CAST: variants seen among roughly 807,000 people sequenced by gnomAD.
CAST encodes calpastatin, also known as MIR583 host.
Under a neutral mutation model 119.6 loss-of-function variants are expected in CAST, and 76 were observed. The observed-to-expected ratio is 0.64, with a 90% CI of 0.53 to 0.77. CAST has a LOEUF of 0.77. Ranked by LOEUF, CAST falls within the 30% of genes least tolerant of loss-of-function variation. CAST has a pLI of 0.00. For synonymous variants in CAST, 319 were observed against 331.6 expected (o/e 0.96, Z 0.41); for missense variants, 953 against 946.5 (o/e 1.01, Z -0.09).
chr5:96,647,284 T>C (rs535759346), intron 1 of CAST, among the ~76,000 whole-genome samples: 1 of 152,366 alleles, frequency 6.6e-6, no homozygotes, highest in East Asian at 1.9e-4. Flanking sequence ...GCATTGGTTG[T>C]ACAAGATCAT....
chr5:95,980,264 C>T, the CAST span: 1 of 152,026 alleles, frequency 6.6e-6, no homozygotes, highest in East Asian at 1.9e-4. Flanking sequence ...GAGATCTGTG[C>T]TTATAGTTCT....
At chr5:96,505,433 C>G in the CAST span, among the ~76,000 whole-genome samples, 1 of 151,834 alleles carries the variant, frequency 6.6e-6, no homozygotes, top group Non-Finnish European at 1.5e-5. Context: ...TGAGCCGAGA[C>G]CCGCCACTGC....
chr5:96,678,786 G>T (rs1361055053), intron 2 of CAST, among the ~76,000 whole-genome samples: 2 of 152,066 alleles, frequency 1.3e-5, no homozygotes, highest in African/African-American at 2.4e-5. Flanking sequence ...GGCAGAGGTT[G>T]CAGTGAGCCG....
chr5:96,106,420 G>A, the CAST span, among the ~76,000 whole-genome samples: 4 of 152,276 alleles, frequency 2.6e-5, no homozygotes, highest in Non-Finnish European at 5.9e-5. Flanking sequence ...CTGGTATGTT[G>A]TGTTTTTGTT....
the CAST span, among the ~76,000 whole-genome samples, chr5:96,264,545 A>G: frequency 0.025 from 3,758 of 152,302 alleles, 168 homozygotes; most frequent in African/African-American, 0.086. Context: ...GTGTGTCTCC[A>G]TGGCTTTGTG....
In CAST at chr5:96,748,522, G is replaced by A. The variant is rs748324706; in HGVS notation, c.1337G>A (p.Arg446Gln). ...ACAGCACTTCTTATATTACAGCCTC[G>A]GAGTGAATCAGAACTCATTGATGAA... ...LPEPEEKPKPRSESELIDELS... is the reference protein window; with the variant it reads ...LPEPEEKPKPQSESELIDELS... The change falls in exon 19 of 32, where the codon CGG becomes CAG. Residue 446 changes from arginine (R) to glutamine (Q), a missense_variant. Transcript: ENST00000675179. The A allele has an allele frequency of 1.1e-5, 17 of 1,518,040 alleles. No homozygotes were observed. Among genetic ancestry groups the A allele is most frequent in the African/African-American group, 6.9e-5 (5 of 72,578 alleles). 94.0% of individuals were successfully genotyped at this position (1,518,040 alleles called of 1,614,324 possible).
At chr5:96,012,096 A>G in the CAST span, among the ~76,000 whole-genome samples, 2 of 152,156 alleles carry the variant, frequency 1.3e-5, no homozygotes, top group African/African-American at 4.8e-5. Flanking sequence ...TGTAATATAC[A>G]CGGTTACTAT....
At chr5:96,388,161 C>T in the CAST span, among the ~76,000 whole-genome samples, 3 of 152,234 alleles carry the variant, frequency 2.0e-5, no homozygotes, top group Admixed American at 6.5e-5. Context: ...GGAAAGTGGT[C>T]TCTGCCTCCC....
At chr5:96,743,845 G>C in intron 16 of CAST, 1 of 842,662 alleles carries the variant, frequency 1.2e-6, no homozygotes, top group African/African-American at 1.8e-5. Context: ...GAGGAAAGCG[G>C]GGTGTTGGCA....
the CAST span, among the ~76,000 whole-genome samples, chr5:96,147,985 T>G: frequency 6.6e-6 from 1 of 152,318 alleles, no homozygotes; most frequent in South Asian, 2.1e-4. Context: ...AAAACAGAAG[T>G]TTGGTTCAAT....
chr5:96,201,175 A>T, the CAST span, among the ~76,000 whole-genome samples: 1 of 152,148 alleles, frequency 6.6e-6, no homozygotes, highest in East Asian at 1.9e-4. Flanking sequence ...TAATTTTAAA[A>T]GCTTTATGAG....
At chr5:96,212,449 T>G in the CAST span, among the ~76,000 whole-genome samples, 2 of 152,196 alleles carry the variant, frequency 1.3e-5, no homozygotes, top group Non-Finnish European at 2.9e-5. Flanking sequence ...GAACACACTT[T>G]GTATGGTTTC....
the CAST span, among the ~76,000 whole-genome samples, chr5:96,263,927 T>G: frequency 6.6e-6 from 1 of 152,138 alleles, no homozygotes. Context: ...CTCACTATCA[T>G]GAGAACAGCA....
chr5:96,752,769 G>A (rs1765398181), intron 20 of CAST, among the ~76,000 whole-genome samples: 1 of 151,548 alleles, frequency 6.6e-6, no homozygotes, highest in Non-Finnish European at 1.5e-5. Context: ...AATTTTAATA[G>A]GTGCTCATTG....
rs74988236 is a variant in CAST, at chr5:96,717,592, G to A, written c.211-5047G>A. Among the ~76,000 whole-genome samples, 9 of 152,342 alleles carry A rather than the reference G, an allele frequency of 5.9e-5. No homozygotes were observed. The East Asian group carries it at 1.2e-3, about 20-fold the overall frequency. ...TTTTACATATGAGGAAACTGAGGCAGAGAGGTTAAGCAACTTGCTCAAGGT... is the reference window on the plus strand; with the variant it reads ...TTTTACATATGAGGAAACTGAGGCAAAGAGGTTAAGCAACTTGCTCAAGGT... On this transcript the variant is annotated intron_variant, in intron 3 of 31. Transcript: ENST00000675179.
chr5:96,066,192 T>C, the CAST span, among the ~76,000 whole-genome samples: 1 of 152,172 alleles, frequency 6.6e-6, no homozygotes, highest in African/African-American at 2.4e-5. Flanking sequence ...GACTGAAAAG[T>C]TGTAGTATAC....
the CAST span, among the ~76,000 whole-genome samples, chr5:96,510,756 T>G: frequency 5.3e-5 from 8 of 152,246 alleles, no homozygotes; most frequent in Non-Finnish European, 8.8e-5. Context: ...TTGCCTATAT[T>G]TTTTGACATG....
chr5:96,763,963 C>CAAA (rs35420188), intron 25 of CAST, among the ~76,000 whole-genome samples: 3 of 146,000 alleles, frequency 2.1e-5, no homozygotes, highest in African/African-American at 5.0e-5. Flanking sequence ...CTTTTTACCT[C>CAAA]AAAAAAAAAA....
chr5:96,061,360 C>T, the CAST span, among the ~76,000 whole-genome samples: 7 of 152,186 alleles, frequency 4.6e-5, no homozygotes, highest in African/African-American at 1.7e-4. Flanking sequence ...TTCTAGTGAT[C>T]CCAGCAACAA....
Sources: gnomAD v4.1 joint callset for allele counts (sites outside exome capture counted in the v4.1 genomes callset) on GRCh38, gnomAD v4.1.1 for gene constraint, MANE v1.5 for transcripts, NCBI Gene and HGNC (gene_info 2026-07-23, HGNC 2026-07-21) for gene names.